PLEKHA7: variants seen among roughly 807,000 people sequenced by gnomAD.
The protein encoded by PLEKHA7 is pleckstrin homology domain containing A7.
A neutral mutation model predicts 170.0 loss-of-function variants in PLEKHA7; 104 were observed. The observed-to-expected ratio is 0.61, with a 90% CI of 0.52 to 0.72. The LOEUF is 0.72. PLEKHA7 is among the 30% of genes least tolerant of loss of function. The pLI, the probability that PLEKHA7 is intolerant of heterozygous loss-of-function variation, is 0.00. For missense variants in PLEKHA7, 1,615 were observed against 1,671.7 expected, an observed-to-expected ratio of 0.97 and a Z score of 0.59; for synonymous variants, 648 against 660.8, an observed-to-expected ratio of 0.98 and a Z score of 0.30.
At chr11:16,897,597 G>T (rs1475589954) in intron 3 of PLEKHA7, among the ~76,000 whole-genome samples, 1 of 152,168 alleles carries the variant, frequency 6.6e-6, no homozygotes, top group Non-Finnish European at 1.5e-5. Context: ...CGCAGAGAAG[G>T]TGTATTAGGC....
chr11:16,820,402 G>T (rs1168974326), intron 10 of PLEKHA7, among the ~76,000 whole-genome samples: 1 of 152,178 alleles, frequency 6.6e-6, no homozygotes, highest in Non-Finnish European at 1.5e-5. Context: ...CATTACAGTA[G>T]ATAATTTTAA....
In PLEKHA7 at chr11:16,834,842, G is replaced by A. The variant is rs553614412; in HGVS notation, c.872+6705C>T. Among the ~76,000 whole-genome samples the A allele has an allele frequency of 3.3e-5, 5 of 152,276 alleles. No individual in the cohort carries two copies. The East Asian group carries it at 9.7e-4, about 29-fold the overall frequency. On this transcript the variant is annotated intron_variant, in intron 9 of 26. Transcript: ENST00000531066. ...ACGTGAGGCAGAAGATTACTTGGGG[G>A]GGCGGGGGCAGAGAGCAGGCCCTGC...
chr11:16,815,024 C>A (rs216496), intron 12 of PLEKHA7, among the ~76,000 whole-genome samples: 9,929 of 152,326 alleles, frequency 0.065, 560 homozygotes, highest in South Asian at 0.27. Flanking sequence ...TCCACCACCA[C>A]AGAGTGTCTG....
chr11:16,827,892 C>T (rs1850787720), intron 9 of PLEKHA7, among the ~76,000 whole-genome samples: 2 of 150,460 alleles, frequency 1.3e-5, no homozygotes, highest in South Asian at 2.1e-4. Context: ...AAGCCAGAGG[C>T]GTTTTCATCT....
rs368334548 is a variant in PLEKHA7 at position 16,789,782 on chromosome 11, G to T, written c.3149C>A (p.Thr1050Asn). ...RGLNAESSKA[T>N]FPRPKSALER... Reference sequence around the variant, plus strand: ...CAGCTCAAGGCCACTCACAGGGAAGGTCGCCTTGCTGCTTTCGGCATTGAG... The same window carrying T: ...CAGCTCAAGGCCACTCACAGGGAAGTTCGCCTTGCTGCTTTCGGCATTGAG... The change falls in exon 22 of 27, where the codon ACC becomes AAC. Residue 1050 changes from threonine to asparagine, a missense_variant. Thr to Asn is a moderately conservative substitution (Grantham distance 65, BLOSUM62 0). Transcript: ENST00000531066. The surrounding 1 kb of genome is among the most constrained non-coding windows in gnomAD (Gnocchi z 4.6). 41 of 1,613,546 alleles carry T rather than the reference G, an allele frequency of 2.5e-5. No individual in the cohort carries two copies. In the Admixed American group the frequency reaches 3.3e-4, roughly 13 times the overall value.
intron 3 of PLEKHA7, 96 bp downstream of exon 3, chr11:17,013,893 C>A: frequency 7.5e-7 from 1 of 1,327,138 alleles, no homozygotes; most frequent in Non-Finnish European, 9.8e-7. Flanking sequence ...GAGCCCGGGC[C>A]GGCGGGAGCA....
chr11:16,797,330 C>T (rs948952513), intron 17 of PLEKHA7, among the ~76,000 whole-genome samples: 1 of 152,142 alleles, frequency 6.6e-6, no homozygotes, highest in Non-Finnish European at 1.5e-5. Context: ...GCTTCCCACC[C>T]CATCTCCTCT....
At chr11:16,810,479 T>C (rs1000136401) in intron 13 of PLEKHA7, among the ~76,000 whole-genome samples, 3 of 152,206 alleles carry the variant, frequency 2.0e-5, no homozygotes, top group African/African-American at 4.8e-5. Flanking sequence ...CGCATGTGGC[T>C]GCTGGTGAGC....
intron 3 of PLEKHA7, among the ~76,000 whole-genome samples, chr11:16,909,184 A>G (rs1184551691): frequency 2.6e-5 from 4 of 152,210 alleles, no homozygotes; most frequent in African/African-American, 9.7e-5. Context: ...TAATAACACT[A>G]ATAATTAATA....
chr11:16,934,359 TG>T, intron 3 of PLEKHA7, among the ~76,000 whole-genome samples: 1 of 152,274 alleles, frequency 6.6e-6, no homozygotes, highest in South Asian at 2.1e-4. Flanking sequence ...GACACCTCCT[TG>T]GCTCAGATGA....
chr11:16,877,939 A>G (rs1232684356), intron 3 of PLEKHA7, among the ~76,000 whole-genome samples: 1 of 152,234 alleles, frequency 6.6e-6, no homozygotes, highest in Non-Finnish European at 1.5e-5. Context: ...GAAGGTACTC[A>G]ATTAATGTTT....
chr11:16,780,317 G>T lies in PLEKHA7; in HGVS notation c.3794-1297C>A, dbSNP rs1186871223. 2.0e-5 allele frequency among the ~76,000 whole-genome samples: 3 copies of T among 152,242 alleles called. 1 individual carries two copies. The highest frequency in any genetic ancestry group is 4.4e-5 in the Non-Finnish European group (3 of 68,048). ...TCATCACTAGATGCCCACATGGGGAGAACTTGGTAGGGTTGGTGCCAGAGC... is the reference window on the plus strand; with the variant it reads ...TCATCACTAGATGCCCACATGGGGATAACTTGGTAGGGTTGGTGCCAGAGC... On this transcript the variant is annotated intron_variant, in intron 26 of 26. Transcript: ENST00000531066.
chr11:16,897,164 C>T (rs1363562474), intron 3 of PLEKHA7, among the ~76,000 whole-genome samples: 2 of 152,148 alleles, frequency 1.3e-5, no homozygotes, highest in Non-Finnish European at 2.9e-5. Flanking sequence ...TTAAGTCTTT[C>T]GCCCAAGTTA....
intron 3 of PLEKHA7, among the ~76,000 whole-genome samples, chr11:16,929,629 T>G (rs1002207852): frequency 6.6e-6 from 1 of 152,212 alleles, no homozygotes; most frequent in Non-Finnish European, 1.5e-5. Flanking sequence ...AAGCCCCTAC[T>G]TTCCTTTTAG....
intron 9 of PLEKHA7, among the ~76,000 whole-genome samples, chr11:16,834,509 T>G (rs904890570): frequency 6.6e-6 from 1 of 152,172 alleles, no homozygotes; most frequent in African/African-American, 2.4e-5. Flanking sequence ...TAAAGGTGAC[T>G]CTACTACAAG....
At chr11:16,792,494 T>C (rs1847930743) in intron 19 of PLEKHA7, among the ~76,000 whole-genome samples, 1 of 148,246 alleles carries the variant, frequency 6.7e-6, no homozygotes, top group Non-Finnish European at 1.5e-5. Context: ...TATACCAGCA[T>C]AATCACAGTG....
intron 3 of PLEKHA7, among the ~76,000 whole-genome samples, chr11:16,933,089 G>A (rs1860055876): frequency 6.6e-6 from 1 of 152,218 alleles, no homozygotes; most frequent in South Asian, 2.1e-4. Context: ...GGATGGCCCG[G>A]GGATTAAGGA....
At chr11:16,964,745 G>T (rs1862266844) in intron 3 of PLEKHA7, among the ~76,000 whole-genome samples, 2 of 152,236 alleles carry the variant, frequency 1.3e-5, no homozygotes, top group South Asian at 4.1e-4. Context: ...ACAGGGCACT[G>T]CGCTGCAGTA....
intron 3 of PLEKHA7, among the ~76,000 whole-genome samples, chr11:16,935,489 T>C (rs1860224723): frequency 1.3e-5 from 2 of 152,248 alleles, no homozygotes; most frequent in African/African-American, 4.8e-5. Context: ...CAGTGCCCAC[T>C]GCTATTCTCT....
Sources: gnomAD v4.1 joint callset for allele counts (sites outside exome capture counted in the v4.1 genomes callset) on GRCh38, gnomAD v4.1.1 for gene constraint, Gnocchi (gnomAD v3.1) non-coding constraint, MANE v1.5 for transcripts, NCBI Gene and HGNC (gene_info 2026-07-23, HGNC 2026-07-21) for gene names.